The following CACNB2 variants were observed in gnomAD, a reference collection of about 807,000 sequenced individuals.
The protein encoded by CACNB2 is calcium voltage-gated channel auxiliary subunit beta 2.
Under a neutral mutation model 73.3 loss-of-function variants are expected in CACNB2, and 42 were observed. The ratio of observed to expected loss-of-function variants is 0.57; its 90% CI spans 0.45 to 0.74. CACNB2 has a LOEUF of 0.74. CACNB2 is among the 30% of genes least tolerant of loss of function. The pLI is 0.00. For missense variants in CACNB2, 940 were observed against 853.0 expected (o/e 1.10, Z -1.27); for synonymous variants, 348 against 310.3 (o/e 1.12, Z -1.28).
intron 3 of CACNB2, among the ~76,000 whole-genome samples, chr10:18,478,381 C>G (rs1248615788): frequency 2.6e-5 from 4 of 152,304 alleles, no homozygotes; most frequent in African/African-American, 9.6e-5. Context: ...TAAGAATTGT[C>G]TCCAATTGCG....
chr10:18,179,993 C>G (rs1312816816), intron 2 of CACNB2, among the ~76,000 whole-genome samples: 1 of 152,178 alleles, frequency 6.6e-6, no homozygotes, highest in Non-Finnish European at 1.5e-5. Flanking sequence ...CTTATATGCA[C>G]TAGTTGGCAT....
intron 2 of CACNB2, among the ~76,000 whole-genome samples, chr10:18,228,129 A>G (rs1201935022): frequency 2.6e-5 from 4 of 152,300 alleles, no homozygotes; most frequent in African/African-American, 7.2e-5. Flanking sequence ...TTTGGGGGGA[A>G]AAAGAAAAAT....
chr10:18,410,679 T>C (rs1005747898), intron 3 of CACNB2, among the ~76,000 whole-genome samples: 9 of 151,762 alleles, frequency 5.9e-5, no homozygotes, highest in Admixed American at 6.6e-5. Flanking sequence ...GGGCTACTTA[T>C]GGGGAAAAAA....
intron 2 of CACNB2, among the ~76,000 whole-genome samples, chr10:18,232,303 G>A (rs2036253904): frequency 6.6e-6 from 1 of 151,714 alleles, no homozygotes; most frequent in African/African-American, 2.4e-5. Flanking sequence ...ATTATCATTA[G>A]CATTTTGCAG....
intron 2 of CACNB2, among the ~76,000 whole-genome samples, chr10:18,394,684 T>C (rs2043637125): frequency 6.6e-6 from 1 of 152,184 alleles, no homozygotes; most frequent in East Asian, 1.9e-4. Flanking sequence ...AAAATGAAGA[T>C]AATCGAAATT....
At chr10:18,409,319 G>T (rs1014525035) in intron 3 of CACNB2, among the ~76,000 whole-genome samples, 17 of 119,382 alleles carry the variant, frequency 1.4e-4, no homozygotes, top group Non-Finnish European at 2.5e-4. Context: ...AAAAAAAAAA[G>T]TAGAGACAAA....
intron 3 of CACNB2, among the ~76,000 whole-genome samples, chr10:18,442,564 C>G (rs537495062): frequency 6.6e-6 from 1 of 151,724 alleles, no homozygotes; most frequent in Non-Finnish European, 1.5e-5. Flanking sequence ...CAGTGGCTCA[C>G]GCCTGTAATC....
At chr10:18,260,468 C>A in intron 2 of CACNB2, 3 of 985,430 alleles carry the variant, frequency 3.0e-6, no homozygotes, top group Non-Finnish European at 3.6e-6. Flanking sequence ...AACAACTGTG[C>A]GCCGCAGTGC....
chr10:18,360,543 ATATT>A (rs751841101), intron 2 of CACNB2, among the ~76,000 whole-genome samples: 9 of 152,292 alleles, frequency 5.9e-5, no homozygotes, highest in Admixed American at 6.5e-5. Context: ...TGTTAAGGCA[ATATT>A]TATGCTGTGT....
rs16917097 is a variant in CACNB2, at chr10:18,254,086, A to G, written c.213+103111A>G. On this transcript the variant is annotated intron_variant, in intron 2 of 13. Coordinates refer to ENST00000324631, the MANE Select transcript of CACNB2 (RefSeq NM_201596.3). Reference sequence around the variant, plus strand: ...TTGTGCTAGAAAGCATAGGTCCTCAAATGGCTTTGGTTATGAGAGAATCAG... The same window carrying G: ...TTGTGCTAGAAAGCATAGGTCCTCAGATGGCTTTGGTTATGAGAGAATCAG... Among the ~76,000 whole-genome samples, 457 of 152,286 alleles carry G rather than the reference A, an allele frequency of 3.0e-3. 2 individuals carry two copies. The highest frequency in any genetic ancestry group is 0.011 in the African/African-American group (438 of 41,552).
At chr10:18,453,332 C>T (rs2047105842) in intron 3 of CACNB2, among the ~76,000 whole-genome samples, 1 of 152,220 alleles carries the variant, frequency 6.6e-6, no homozygotes. Flanking sequence ...AGTGCGTAAA[C>T]TAGCTCGTGT....
chr10:18,200,731 A>G (rs2034842122), intron 2 of CACNB2, among the ~76,000 whole-genome samples: 1 of 152,168 alleles, frequency 6.6e-6, no homozygotes, highest in South Asian at 2.1e-4. Flanking sequence ...AACTTCATCA[A>G]ATTTATTCAC....
At chr10:18,260,653 G>C in intron 2 of CACNB2, 1 of 987,656 alleles carries the variant, frequency 1.0e-6, no homozygotes. Context: ...GGAGGGAGAA[G>C]TAGCAAATCA....
chr10:18,359,576 A>G (rs10764437), intron 2 of CACNB2, among the ~76,000 whole-genome samples: 76,613 of 151,750 alleles, frequency 0.5, 20,287 homozygotes, highest in East Asian at 0.94. Context: ...ACCCAGCCTG[A>G]AGCTTATAAG....
At position 18,514,251 on chromosome 10, in the gene CACNB2, C is replaced by G. The variant is rs145885745; in HGVS notation, c.686C>G (p.Ala229Gly). The G allele has an allele frequency of 3.1e-6, 5 of 1,614,112 alleles. No individual in the cohort carries two copies. Residue 229 changes from alanine to glycine, a missense_variant, in exon 7 of 14, where the codon GCT (alanine) becomes GGT (glycine). Coordinates refer to ENST00000324631, the MANE Select transcript of CACNB2 (RefSeq NM_201596.3). ...CTGTATATAGCTATAGACATAGATG[C>G]TACTGGCTTAGATGCAGAAGAAAAT... is the stretch of plus-strand genomic sequence containing the variant. ...TPPSSAIDID[A>G]TGLDAEENDI...
intron 2 of CACNB2, among the ~76,000 whole-genome samples, chr10:18,313,553 A>G (rs1416748979): frequency 1.3e-5 from 2 of 152,042 alleles, no homozygotes; most frequent in African/African-American, 2.4e-5. Flanking sequence ...GGAGCTTTCT[A>G]TCTTTTGACC....
chr10:18,428,695 A>C (rs1661217398), intron 3 of CACNB2, among the ~76,000 whole-genome samples: 1 of 2,708 alleles, frequency 3.7e-4, no homozygotes, highest in South Asian at 0.014. Context: ...AAAAAAAAAA[A>C]AAAAAAAAAA....
At chr10:18,163,891 G>A (rs553764751) in intron 2 of CACNB2, among the ~76,000 whole-genome samples, 339 of 152,232 alleles carry the variant, frequency 2.2e-3, no homozygotes, top group African/African-American at 8.0e-3. Flanking sequence ...ACTGTGGCAC[G>A]TGGAGAAGCA....
At chr10:18,408,143 C>T (rs2044396430) in intron 3 of CACNB2, among the ~76,000 whole-genome samples, 1 of 150,928 alleles carries the variant, frequency 6.6e-6, no homozygotes, top group South Asian at 2.1e-4. Context: ...CAAAGATCAT[C>T]AGAGGTGAAA....
Sources: allele counts gnomAD v4.1 joint callset (sites outside exome capture counted in the v4.1 genomes callset), GRCh38; gene constraint gnomAD v4.1.1; transcripts MANE v1.5; gene names NCBI Gene and HGNC (gene_info 2026-07-23, HGNC 2026-07-21).